AGBL4: variants seen among roughly 807,000 people sequenced by gnomAD.
AGBL4 encodes the protein AGBL carboxypeptidase 4.
AGBL4 carries 58 observed loss-of-function variants against 66.4 expected under a neutral mutation model. The ratio of observed to expected loss-of-function variants is 0.87; its 90% CI spans 0.71 to 1.09. AGBL4 has a LOEUF of 1.09. Among genes scored for constraint, AGBL4 ranks in the 50% least tolerant of loss-of-function variants. The probability of loss-of-function intolerance (pLI) is 0.00; values close to 1 mark genes in which losing one functional copy is unlikely to be tolerated. For synonymous variants in AGBL4, 234 were observed against 222.9 expected, an observed-to-expected ratio of 1.05 and a Z score of -0.44; for missense variants, 579 against 631.0, an observed-to-expected ratio of 0.92 and a Z score of 0.88.
chr1:49,433,506 G>T (rs1033251217), intron 3 of AGBL4, among the ~76,000 whole-genome samples: 1 of 152,082 alleles, frequency 6.6e-6, no homozygotes, highest in Non-Finnish European at 1.5e-5. Flanking sequence ...TGAGAGAATA[G>T]GAACACACTT....
intron 3 of AGBL4, among the ~76,000 whole-genome samples, chr1:49,657,075 T>C (rs548262977): frequency 0.011 from 1,666 of 152,278 alleles, 25 homozygotes; most frequent in African/African-American, 0.038. Context: ...TTGTCCCTCT[T>C]TGCAGATGAC....
At chr1:48,802,661 A>C (rs760760419) in intron 6 of AGBL4, among the ~76,000 whole-genome samples, 53 of 152,290 alleles carry the variant, frequency 3.5e-4, no homozygotes, top group African/African-American at 1.3e-3. Context: ...ACCACTCAGC[A>C]TGCTTAACAA....
intron 11 of AGBL4, among the ~76,000 whole-genome samples, chr1:48,572,890 C>G (rs1248433251): frequency 6.6e-6 from 1 of 152,190 alleles, no homozygotes; most frequent in Non-Finnish European, 1.5e-5. Context: ...TTGTGGTCCC[C>G]CAAAGACAAG....
intron 6 of AGBL4, among the ~76,000 whole-genome samples, chr1:48,837,711 C>CTATATATACATA (rs1646714806): frequency 1.2e-5 from 1 of 82,298 alleles, no homozygotes; most frequent in African/African-American, 4.5e-5. Flanking sequence ...CACACACACA[C>CTATATATACATA]TATATATATA....
Position 49,912,030 on chromosome 1 carries a change from T to A in AGBL4, c.35-60512A>T, listed in dbSNP as rs548847772. Among the ~76,000 whole-genome samples the A allele has an allele frequency of 4.6e-5, 7 of 152,304 alleles. No individual in the cohort carries two copies. In the South Asian group the frequency reaches 1.5e-3, roughly 32 times the overall value. ...GATCCTGAGGGGCTAAGTCTCAGCT[T>A]TGGTTCTTCTTGCTGTGGTTGAGGA... On this transcript the variant is annotated intron_variant, in intron 1 of 13. Coordinates refer to ENST00000371839, the MANE Select transcript of AGBL4 (RefSeq NM_032785.4).
intron 1 of AGBL4, among the ~76,000 whole-genome samples, chr1:49,920,176 T>C (rs1198530384): frequency 2.0e-5 from 3 of 152,308 alleles, no homozygotes; most frequent in East Asian, 1.9e-4. Flanking sequence ...GACATAGGCA[T>C]GGGCAAGGAC....
At chr1:49,978,298 G>T (rs1378428035) in intron 1 of AGBL4, among the ~76,000 whole-genome samples, 1 of 152,068 alleles carries the variant, frequency 6.6e-6, no homozygotes, top group Non-Finnish European at 1.5e-5. Context: ...AAAAAAATTA[G>T]CCAGGTATAG....
chr1:48,812,056 G>A (rs894828981), intron 6 of AGBL4, among the ~76,000 whole-genome samples: 6 of 152,164 alleles, frequency 3.9e-5, no homozygotes, highest in Admixed American at 2.0e-4. Flanking sequence ...GAAACATGAT[G>A]AGAGGCCACT....
At chr1:49,956,015 T>G (rs755345542) in intron 1 of AGBL4, among the ~76,000 whole-genome samples, 17 of 151,966 alleles carry the variant, frequency 1.1e-4, no homozygotes, top group Non-Finnish European at 2.2e-4. Flanking sequence ...TATAATTTAC[T>G]GTGTAGTTTG....
chr1:49,929,362 T>C (rs974977649), intron 1 of AGBL4, among the ~76,000 whole-genome samples: 1 of 151,830 alleles, frequency 6.6e-6, no homozygotes, highest in South Asian at 2.1e-4. Flanking sequence ...AAAGGACACA[T>C]TATTCACAGA....
At chr1:48,811,524 T>C (rs1570727948) in intron 6 of AGBL4, among the ~76,000 whole-genome samples, 1 of 152,256 alleles carries the variant, frequency 6.6e-6, no homozygotes. Context: ...ATTCTCACTT[T>C]ACCTTTCTAG....
intron 3 of AGBL4, among the ~76,000 whole-genome samples, chr1:49,504,223 T>C (rs1171960754): frequency 1.3e-5 from 2 of 152,080 alleles, no homozygotes; most frequent in Non-Finnish European, 2.9e-5. Context: ...AGAAGGAGCC[T>C]TCTTCTTCGC....
At chr1:49,614,112 T>C (rs1348288353) in intron 3 of AGBL4, among the ~76,000 whole-genome samples, 1 of 152,122 alleles carries the variant, frequency 6.6e-6, no homozygotes, top group Non-Finnish European at 1.5e-5. Flanking sequence ...GAATTACAGA[T>C]ACATATCTTG....
chr1:49,965,709 GA>G (rs1321131336), intron 1 of AGBL4, among the ~76,000 whole-genome samples: 6 of 152,080 alleles, frequency 3.9e-5, no homozygotes, highest in African/African-American at 9.7e-5. Flanking sequence ...CTTTCTATAG[GA>G]AAGACTGCAC....
chr1:49,183,738 G>A (rs1225058814), intron 4 of AGBL4, among the ~76,000 whole-genome samples: 1 of 152,030 alleles, frequency 6.6e-6, no homozygotes, highest in East Asian at 1.9e-4. Flanking sequence ...TCACTTTCAG[G>A]CTGTAAATAA....
chr1:49,684,042 T>C (rs1358445821), intron 3 of AGBL4, among the ~76,000 whole-genome samples: 1 of 152,144 alleles, frequency 6.6e-6, no homozygotes, highest in East Asian at 1.9e-4. Flanking sequence ...AGGCTACAAG[T>C]GGATTGAACC....
At chr1:48,566,443 C>G (rs899054858) in intron 11 of AGBL4, among the ~76,000 whole-genome samples, 4 of 152,220 alleles carry the variant, frequency 2.6e-5, no homozygotes, top group Non-Finnish European at 4.4e-5. Context: ...AGTTCCAGAA[C>G]AGATCCTTTT....
chr1:48,951,907 G>C (rs766072560), intron 5 of AGBL4, among the ~76,000 whole-genome samples: 1 of 152,208 alleles, frequency 6.6e-6, no homozygotes, highest in East Asian at 1.9e-4. Context: ...GGCCTTATGA[G>C]GGAAGCATTA....
intron 2 of AGBL4, among the ~76,000 whole-genome samples, chr1:49,816,440 T>C (rs1557475377): frequency 6.6e-6 from 1 of 152,134 alleles, no homozygotes; most frequent in Non-Finnish European, 1.5e-5. Flanking sequence ...TGCCACTTAG[T>C]GGTCCAAGGA....
Sources: allele counts gnomAD v4.1 joint callset (sites outside exome capture counted in the v4.1 genomes callset), GRCh38; gene constraint gnomAD v4.1.1; transcripts MANE v1.5; gene names NCBI Gene and HGNC (gene_info 2026-07-23, HGNC 2026-07-21).